SPHKAP: variants seen among roughly 807,000 people sequenced by gnomAD.
SPHKAP encodes A-kinase anchor protein SPHKAP.
In SPHKAP, 67 loss-of-function variants were observed where a neutral mutation model predicts 137.5. The observed-to-expected ratio is 0.49, with a 90% CI of 0.40 to 0.60. The LOEUF (loss-of-function observed/expected upper bound fraction) is 0.60, where lower values mean the gene tolerates loss of function less well. Ranked by LOEUF, SPHKAP falls within the 20% of genes least tolerant of loss-of-function variation. SPHKAP has a pLI of 0.00. For missense variants in SPHKAP, 2,097 were observed against 2,069.3 expected (o/e 1.01, Z -0.26); for synonymous variants, 813 against 785.3 (o/e 1.04, Z -0.59).
At chr2:228,175,727 A>C (rs187095809) in intron 1 of SPHKAP, among the ~76,000 whole-genome samples, 1 of 152,232 alleles carries the variant, frequency 6.6e-6, no homozygotes, top group Admixed American at 6.5e-5. Context: ...CAATTAAAAA[A>C]AGAGATTTTT....
chr2:228,179,645 T>C (rs1245533350), intron 1 of SPHKAP, among the ~76,000 whole-genome samples: 1 of 152,300 alleles, frequency 6.6e-6, no homozygotes, highest in East Asian at 1.9e-4. Flanking sequence ...AAAAGTCAGG[T>C]TCAAAAAGCT....
intron 2 of SPHKAP, among the ~76,000 whole-genome samples, chr2:228,129,798 CTTT>C (rs1196344608): frequency 1.5e-5 from 2 of 135,540 alleles, no homozygotes; most frequent in Non-Finnish European, 1.6e-5. Flanking sequence ...TAATTTTTTT[CTTT>C]TTTTTTTTTT....
chr2:228,025,224 A>G (rs1197758716), intron 5 of SPHKAP, among the ~76,000 whole-genome samples, 170 bp downstream of exon 5: 4 of 152,242 alleles, frequency 2.6e-5, no homozygotes, highest in African/African-American at 7.2e-5. Context: ...GTCAAACTCT[A>G]AGTGGCTCTA....
intron 3 of SPHKAP, among the ~76,000 whole-genome samples, chr2:228,094,945 A>G (rs1045744364): frequency 1.3e-5 from 2 of 152,238 alleles, no homozygotes; most frequent in East Asian, 3.9e-4. Flanking sequence ...TTAAATATTG[A>G]GAAGAAATAT....
At chr2:228,173,155 C>T (rs529943048) in intron 1 of SPHKAP, among the ~76,000 whole-genome samples, 236 of 152,230 alleles carry the variant, frequency 1.6e-3, no homozygotes, top group Non-Finnish European at 2.6e-3. Context: ...AACAAATAGC[C>T]TTGTCCCTCT....
chr2:228,131,961 T>C lies in SPHKAP; in HGVS notation c.138+19A>G, dbSNP rs1228422646. On this transcript the variant is annotated intron_variant, in intron 2 of 11. Coordinates refer to ENST00000392056, the MANE Select transcript of SPHKAP (RefSeq NM_001142644.2). Reference sequence around the variant, plus strand: ...TCAAGTTCAACTGACAAGAAGAAAGTGGCGTAAGGCAAGGTTACCTTCTTA... The same window carrying C: ...TCAAGTTCAACTGACAAGAAGAAAGCGGCGTAAGGCAAGGTTACCTTCTTA... The C allele has an allele frequency of 1.2e-6, 2 of 1,609,800 alleles. No individual in the cohort carries two copies. Among genetic ancestry groups the C allele is most frequent in the African/African-American group, 2.7e-5 (2 of 74,820 alleles).
At chr2:228,114,254 A>C (rs191147613) in intron 2 of SPHKAP, among the ~76,000 whole-genome samples, 1 of 152,282 alleles carries the variant, frequency 6.6e-6, no homozygotes, top group Admixed American at 6.5e-5. Context: ...TAAGGTTAGG[A>C]AGATCCTTTT....
chr2:228,147,100 T>C (rs555054392), intron 1 of SPHKAP, among the ~76,000 whole-genome samples: 1 of 152,336 alleles, frequency 6.6e-6, no homozygotes, highest in South Asian at 2.1e-4. Flanking sequence ...GAAAAGAATA[T>C]CTGATTCACT....
chr2:228,016,562 A>G lies in SPHKAP; in HGVS notation c.4292T>C (p.Ile1431Thr). 1.2e-6 allele frequency: 2 copies of G among 1,614,046 alleles called. No individual in the cohort carries two copies. The highest frequency in any genetic ancestry group is 2.2e-5 in the East Asian group (1 of 44,868). The change falls in exon 7 of 12, where the codon ATT (isoleucine) becomes ACT (threonine). Residue 1431 changes from isoleucine to threonine, a missense_variant. Physicochemically the swap from Ile to Thr is moderately conservative, Grantham distance 89. Transcript: ENST00000392056. ...ACAGGCTTCTCTCTGATCTGTTTCA[A>G]TCTGAATCAAAGGCACTTCCCTCGA... is the stretch of plus-strand genomic sequence containing the variant. The part of the protein sequence containing the change: ...LCSREVPLIQ[I>T]ETDQREACAG...
Position 228,017,180 on chromosome 2 carries a change from G to A in SPHKAP, c.3674C>T (p.Ser1225Phe), listed in dbSNP as rs975553365. The A allele has an allele frequency of 1.2e-6, 2 of 1,613,884 alleles. No homozygotes were observed. Among genetic ancestry groups the A allele is most frequent in the African/African-American group, 2.7e-5 (2 of 74,916 alleles). ...GCACACTGGGGATCGCAGAGAAGGA[G>A]ACAGCAGGCCGGCTGTCCAATCCTG... The part of the protein sequence containing the change: ...SSQDWTAGLL[S>F]PSLRSPVCHR... Residue 1225 changes from serine (S) to phenylalanine (F), a missense_variant, in exon 7 of 12, where the codon TCT becomes TTT. Ser to Phe is a radical substitution (Grantham distance 155). Transcript: ENST00000392056.
rs1574702596 is a variant in SPHKAP at position 227,981,630 on chromosome 2, T to G, written c.*87A>C. Reference sequence around the variant, plus strand: ...AGTTCTGCTAATGTGATGTGATGTTTTGAGAATGTTTAGAGCATTTAGAAC... The same window carrying G: ...AGTTCTGCTAATGTGATGTGATGTTGTGAGAATGTTTAGAGCATTTAGAAC... On this transcript the variant is annotated 3_prime_UTR_variant, in exon 12 of 12. Transcript: ENST00000392056. 6.8e-7 allele frequency: 1 copy of G among 1,476,810 alleles called. No homozygotes were observed. The highest frequency in any genetic ancestry group is 1.4e-5 in the African/African-American group (1 of 70,028). 91.5% of individuals were successfully genotyped at this position (1,476,810 alleles called of 1,614,324 possible).
rs1694642726 is a variant in SPHKAP, at chr2:228,017,292, C to T, written c.3562G>A (p.Glu1188Lys). The change falls in exon 7 of 12, where the codon GAG becomes AAG. Residue 1188 changes from glutamate (E) to lysine (K), a missense_variant. Physicochemically the swap from Glu to Lys is moderately conservative, Grantham distance 56. Transcript: ENST00000392056. ...PSCPSKQSST[E>K]SITEEFYRYM... ...CTGTAGAACTCCTCAGTGATGCTCT[C>T]TGTGCTGGACTGCTTAGAGGGACAG... 6 of 1,614,098 alleles carry T rather than the reference C, an allele frequency of 3.7e-6. No homozygotes were observed. In the East Asian group the frequency reaches 1.3e-4, roughly 36 times the overall value.
chr2:228,026,627 T>TC (rs1695042418), intron 4 of SPHKAP, among the ~76,000 whole-genome samples: 2 of 151,630 alleles, frequency 1.3e-5, no homozygotes, highest in South Asian at 4.2e-4. Context: ...CTCCCTGCTC[T>TC]TTGATGGACT....
intron 3 of SPHKAP, among the ~76,000 whole-genome samples, chr2:228,029,239 T>C (rs1265933649): frequency 6.6e-6 from 1 of 152,246 alleles, no homozygotes; most frequent in Non-Finnish European, 1.5e-5. Context: ...GAACATTAAT[T>C]ACCTGGAATT....
chr2:228,132,481 A>T (rs1026314096), intron 1 of SPHKAP: 3 of 716,184 alleles, frequency 4.2e-6, no homozygotes, highest in Admixed American at 6.3e-5. Context: ...TTTATTTTTT[A>T]AAATGGAGGT....
At chr2:228,015,938 C>T (rs1163929167) in intron 7 of SPHKAP, among the ~76,000 whole-genome samples, 2 of 152,078 alleles carry the variant, frequency 1.3e-5, no homozygotes, top group Non-Finnish European at 2.9e-5. Context: ...TAAGTTGCAT[C>T]ATTTATTATT....
At chr2:228,050,720 A>C (rs185579236) in intron 3 of SPHKAP, among the ~76,000 whole-genome samples, 6 of 152,326 alleles carry the variant, frequency 3.9e-5, no homozygotes, top group Non-Finnish European at 8.8e-5. Context: ...GATCTATTGA[A>C]CACCAGGTCT....
In SPHKAP at chr2:228,037,352, A is replaced by G. The variant is rs532322676; in HGVS notation, c.247-9809T>C. 1.2e-4 allele frequency among the ~76,000 whole-genome samples: 19 copies of G among 152,320 alleles called. 1 individual carries two copies. In the South Asian group the frequency reaches 3.9e-3, roughly 32 times the overall value. The stretch of plus-strand genomic sequence containing the variant: ...TTTTACATGTCTGATGATTGGAAGA[A>G]TTTTACACAGAATAGCTTCTGATAT... On this transcript the variant is annotated intron_variant, in intron 3 of 11. Transcript: ENST00000392056.
intron 7 of SPHKAP, among the ~76,000 whole-genome samples, chr2:227,997,159 C>T (rs1203982885): frequency 6.6e-6 from 1 of 152,214 alleles, no homozygotes; most frequent in Admixed American, 6.5e-5. Flanking sequence ...CAGGAACTTC[C>T]TGAAGCCAAA....
Sources: allele counts gnomAD v4.1 joint callset (sites outside exome capture counted in the v4.1 genomes callset), GRCh38; gene constraint gnomAD v4.1.1; transcripts MANE v1.5; gene names NCBI Gene and HGNC (gene_info 2026-07-23, HGNC 2026-07-21).